The following MARCHF1 variants were observed in gnomAD, a reference collection of about 807,000 sequenced individuals.
The protein encoded by MARCHF1 is E3 ubiquitin-protein ligase MARCHF1.
Under a neutral mutation model 54.2 loss-of-function variants are expected in MARCHF1, and 40 were observed. The ratio of observed to expected loss-of-function variants is 0.74; its 90% CI spans 0.57 to 0.96. MARCHF1 has a LOEUF of 0.96. Ranked by LOEUF, MARCHF1 falls within the 40% of genes least tolerant of loss-of-function variation. The pLI, the probability that MARCHF1 is intolerant of heterozygous loss-of-function variation, is 0.00. For missense variants in MARCHF1, 586 were observed against 656.5 expected (o/e 0.89, Z 1.17); for synonymous variants, 236 against 236.3 (o/e 1.00, Z 0.01).
At chr4:163,934,110 T>C (rs1342605710) in intron 3 of MARCHF1, among the ~76,000 whole-genome samples, 2 of 152,284 alleles carry the variant, frequency 1.3e-5, no homozygotes, top group Non-Finnish European at 1.5e-5. Flanking sequence ...TATGTGCACA[T>C]GTGTGGGGTG....
At chr4:164,147,798 T>G (rs530489914) in intron 1 of MARCHF1, among the ~76,000 whole-genome samples, 10 of 148,964 alleles carry the variant, frequency 6.7e-5, no homozygotes, top group South Asian at 2.1e-4. Flanking sequence ...ATTGTGCACA[T>G]GTACCCTAAA....
At chr4:164,000,613 A>T in intron 2 of MARCHF1, among the ~76,000 whole-genome samples, 1 of 151,818 alleles carries the variant, frequency 6.6e-6, no homozygotes, top group South Asian at 2.1e-4. Context: ...AGTTAGATAG[A>T]ATGTAATTTT....
chr4:163,666,787 C>T lies in MARCHF1; in HGVS notation c.162+34026G>A, dbSNP rs570786494. Among the ~76,000 whole-genome samples, 5 of 151,526 alleles carry T rather than the reference C, an allele frequency of 3.3e-5. No individual in the cohort carries two copies. The East Asian group carries it at 5.8e-4, about 18-fold the overall frequency. Reference sequence around the variant, plus strand: ...CTGTTTCTAACCACAGTTATATGTTCCCATTTTAAAATGTAATTTAAAAAC... The same window carrying T: ...CTGTTTCTAACCACAGTTATATGTTTCCATTTTAAAATGTAATTTAAAAAC... On this transcript the variant is annotated intron_variant, in intron 5 of 9. Transcript: ENST00000514618.
At chr4:164,030,250 C>T (rs866436988) in intron 2 of MARCHF1, among the ~76,000 whole-genome samples, 9 of 151,468 alleles carry the variant, frequency 5.9e-5, no homozygotes, top group Non-Finnish European at 1.0e-4. Context: ...TCAAAAGATG[C>T]TTTTTTTGGA....
At chr4:164,247,762 A>T (rs1055873414) in intron 1 of MARCHF1, among the ~76,000 whole-genome samples, 2 of 150,228 alleles carry the variant, frequency 1.3e-5, no homozygotes, top group African/African-American at 4.9e-5. Flanking sequence ...GGTAACTGAG[A>T]TCTTATCCAA....
chr4:163,905,551 A>G (rs1335396019), intron 3 of MARCHF1, among the ~76,000 whole-genome samples: 6 of 152,120 alleles, frequency 3.9e-5, no homozygotes, highest in Non-Finnish European at 7.4e-5. Context: ...CATTGAAAGG[A>G]AGAATTTCTG....
Position 164,205,680 on chromosome 4 carries a change from G to T in MARCHF1, c.-322-94018C>A, listed in dbSNP as rs137870181. ...TACTTGCTAGAAATTTGAAATATTT[G>T]TTATTTCTTTGCTCTTACTACCCAA... On this transcript the variant is annotated intron_variant, in intron 1 of 9. Coordinates refer to ENST00000514618, the MANE Select transcript of MARCHF1 (RefSeq NM_001394959.1). Among the ~76,000 whole-genome samples the T allele has an allele frequency of 5.4e-3, 817 of 151,618 alleles. 4 individuals are homozygous for T. Among genetic ancestry groups the T allele is most frequent in the Non-Finnish European group, 8.8e-3 (597 of 67,892 alleles).
At chr4:164,276,723 A>C (rs1393127995) in intron 1 of MARCHF1, among the ~76,000 whole-genome samples, 7 of 150,888 alleles carry the variant, frequency 4.6e-5, no homozygotes, top group Middle Eastern at 3.5e-3. Flanking sequence ...GAAAAATTTT[A>C]GATAAATATC....
chr4:164,288,580 A>T (rs758498321), intron 1 of MARCHF1, among the ~76,000 whole-genome samples: 4 of 152,110 alleles, frequency 2.6e-5, no homozygotes, highest in Non-Finnish European at 5.9e-5. Context: ...ACTAATTGTG[A>T]GAGAAAATGG....
chr4:164,061,176 T>A (rs1754607950), intron 2 of MARCHF1, among the ~76,000 whole-genome samples: 1 of 152,162 alleles, frequency 6.6e-6, no homozygotes, highest in Admixed American at 6.5e-5. Context: ...TCACCACAGA[T>A]CATTCACATT....
intron 1 of MARCHF1, among the ~76,000 whole-genome samples, chr4:164,113,437 A>G (rs1755876761): frequency 6.6e-6 from 1 of 152,012 alleles, no homozygotes; most frequent in South Asian, 2.1e-4. Flanking sequence ...GAAAGACAAT[A>G]CAGAAAGGGA....
intron 9 of MARCHF1, among the ~76,000 whole-genome samples, chr4:163,533,206 C>T (rs1053103817): frequency 4.0e-5 from 6 of 151,812 alleles, no homozygotes; most frequent in Admixed American, 1.3e-4. Context: ...CAAAAGGACA[C>T]GAAGAAACCT....
chr4:164,211,916 T>C (rs1731785166), intron 1 of MARCHF1, among the ~76,000 whole-genome samples: 1 of 152,132 alleles, frequency 6.6e-6, no homozygotes, highest in African/African-American at 2.4e-5. Context: ...CCAACATGTT[T>C]GAATGCTTAT....
chr4:164,011,251 A>G (rs1753413781), intron 2 of MARCHF1, among the ~76,000 whole-genome samples: 1 of 152,174 alleles, frequency 6.6e-6, no homozygotes. Context: ...AGGCAATAGA[A>G]CCAAAAATTG....
intron 5 of MARCHF1, among the ~76,000 whole-genome samples, chr4:163,689,573 T>C (rs905090155): frequency 3.9e-5 from 6 of 152,182 alleles, no homozygotes; most frequent in Non-Finnish European, 8.8e-5. Context: ...TAGTCACCTA[T>C]GGCTAATGGC....
At chr4:164,276,400 C>T (rs953953859) in intron 1 of MARCHF1, among the ~76,000 whole-genome samples, 4 of 152,062 alleles carry the variant, frequency 2.6e-5, no homozygotes, top group Admixed American at 6.6e-5. Flanking sequence ...ATTAATCTGC[C>T]TCTCCTCTCA....
At chr4:163,903,681 G>C (rs1477258607) in intron 3 of MARCHF1, among the ~76,000 whole-genome samples, 1 of 151,706 alleles carries the variant, frequency 6.6e-6, no homozygotes, top group Non-Finnish European at 1.5e-5. Flanking sequence ...TTCAATCTTG[G>C]TTCACTGCAA....
chr4:163,805,141 C>A (rs1748188976), intron 4 of MARCHF1, among the ~76,000 whole-genome samples: 1 of 152,030 alleles, frequency 6.6e-6, no homozygotes, highest in Admixed American at 6.6e-5. Context: ...CTATAAGCTT[C>A]TCCTTAACCT....
At chr4:164,051,833 T>C (rs1259785259) in intron 2 of MARCHF1, among the ~76,000 whole-genome samples, 1 of 152,186 alleles carries the variant, frequency 6.6e-6, no homozygotes. Flanking sequence ...GATAGAGATT[T>C]AACCGGATTC....
Sources: gnomAD v4.1 joint callset for allele counts (sites outside exome capture counted in the v4.1 genomes callset) on GRCh38, gnomAD v4.1.1 for gene constraint, MANE v1.5 for transcripts, NCBI Gene and HGNC (gene_info 2026-07-23, HGNC 2026-07-21) for gene names.